WDR26: variants seen among roughly 807,000 people sequenced by gnomAD.
The protein encoded by WDR26 is WD repeat-containing protein 26.
Under a neutral mutation model 84.1 loss-of-function variants are expected in WDR26, and 5 were observed. The observed-to-expected ratio is 0.06, with a 90% CI of 0.03 to 0.13. The LOEUF (loss-of-function observed/expected upper bound fraction) is 0.13. Ranked by LOEUF, WDR26 falls within the 10% of genes least tolerant of loss-of-function variation. The pLI is 1.00. For synonymous variants in WDR26, 415 were observed against 389.6 expected (o/e 1.07, Z -0.77); for missense variants, 642 against 974.9 (o/e 0.66, Z 4.55).
At position 224,389,649 on chromosome 1, in the gene WDR26, C is replaced by A. The variant is rs577019785; in HGVS notation, c.*186G>T. On this transcript the variant is annotated 3_prime_UTR_variant, in exon 14 of 14. Transcript: ENST00000414423. ...CCAACAACGTTCTAACGACGTGCTT[C>A]ATCTCAACTGGTTACTATGAAGCAA... is the stretch of plus-strand genomic sequence containing the variant. 2 of 646,988 alleles carry A rather than the reference C, an allele frequency of 3.1e-6. No individual in the cohort carries two copies. Among genetic ancestry groups the A allele is most frequent in the Admixed American group, 6.0e-5 (2 of 33,184 alleles). 40.1% of individuals were successfully genotyped at this position (646,988 alleles called of 1,614,324 possible). A position where few individuals can be genotyped will look rare whatever the true frequency, so the allele number is the denominator to read the frequency against.
rs1039858236 is a variant in WDR26, at chr1:224,411,281, T to C, written c.1458+146A>G. 5 of 810,676 alleles carry C rather than the reference T, an allele frequency of 6.2e-6. No individual in the cohort carries two copies. In the Admixed American group the frequency reaches 1.8e-4, roughly 29 times the overall value. The allele number at this position is 810,676 out of a possible 1,614,324, so 50.2% of individuals were successfully genotyped here. A position where few individuals can be genotyped will look rare whatever the true frequency, so the allele number is the denominator to read the frequency against. ...AATATTAACTTACATATATTATCTA[T>C]ACAACACATGAAGATGTAAAAATGA... On this transcript the variant is annotated intron_variant, in intron 7 of 13. Coordinates refer to ENST00000414423, the MANE Select transcript of WDR26 (RefSeq NM_001379403.1).
rs1295436811 is a variant in WDR26, at chr1:224,434,070, A to C, written c.336T>G (p.Gly112=). Reference sequence around the variant, plus strand: ...CTCCTCCTCCACCGCCGCCGCCGCCACCTCCTCCTCCTCCTCCTGCCCCAT... The same window carrying C: ...CTCCTCCTCCACCGCCGCCGCCGCCCCCTCCTCCTCCTCCTCCTGCCCCAT... The change falls in exon 1 of 14, where the codon GGT becomes GGG. Residue 112 remains glycine (G), a synonymous_variant. Coordinates refer to ENST00000414423, the MANE Select transcript of WDR26 (RefSeq NM_001379403.1). The C allele has an allele frequency of 4.9e-6, 7 of 1,440,116 alleles. No individual in the cohort carries two copies. The highest frequency in any genetic ancestry group is 2.7e-5 in the Admixed American group (1 of 36,666). 89.2% of individuals were successfully genotyped at this position (1,440,116 alleles called of 1,614,324 possible).
intron 6 of WDR26, among the ~76,000 whole-genome samples, chr1:224,416,066 G>T (rs567758961): frequency 6.6e-6 from 1 of 152,290 alleles, no homozygotes; most frequent in Non-Finnish European, 1.5e-5. Flanking sequence ...ATGATTTCAA[G>T]AAGTCAGCTC....
chr1:224,424,829 G>A (rs1415535930), intron 3 of WDR26, 175 bp from the exon 4 acceptor site: 3 of 715,556 alleles, frequency 4.2e-6, no homozygotes, highest in Non-Finnish European at 6.9e-6. Flanking sequence ...TAGATTAAAT[G>A]TGACTTTGCT....
chr1:224,420,062 C>T (rs549815410), intron 4 of WDR26, among the ~76,000 whole-genome samples: 1 of 152,276 alleles, frequency 6.6e-6, no homozygotes, highest in East Asian at 1.9e-4. Flanking sequence ...TTGCTCTTAA[C>T]CACTAGGCTA....
intron 3 of WDR26, among the ~76,000 whole-genome samples, chr1:224,425,246 T>C (rs534028817): frequency 5.2e-5 from 7 of 134,000 alleles, no homozygotes; most frequent in Non-Finnish European, 1.1e-4. Flanking sequence ...GTGCAAAGTA[T>C]TGAATTTCCT....
chr1:224,409,007 TAAC>T (rs1205675855), intron 7 of WDR26, among the ~76,000 whole-genome samples: 1 of 152,094 alleles, frequency 6.6e-6, no homozygotes, highest in Non-Finnish European at 1.5e-5. Flanking sequence ...TGCAGGCAAT[TAAC>T]AAGGTAGTAT....
chr1:224,427,745 C>A (rs565132588), intron 3 of WDR26, among the ~76,000 whole-genome samples: 1 of 152,014 alleles, frequency 6.6e-6, no homozygotes, highest in African/African-American at 2.4e-5. Flanking sequence ...TTGACACATA[C>A]GATAAGGGTG....
Position 224,389,755 on chromosome 1 carries a change from G to T in WDR26, c.*80C>A. The T allele has an allele frequency of 7.3e-7, 1 of 1,376,218 alleles. No homozygotes were observed. 85.3% of individuals were successfully genotyped at this position (1,376,218 alleles called of 1,614,324 possible). Reference sequence around the variant, plus strand: ...GCATGTCTGTCCAGCTATCAATCATGTTTGTTTGCACCAAATCCCAAGCCA... The same window carrying T: ...GCATGTCTGTCCAGCTATCAATCATTTTTGTTTGCACCAAATCCCAAGCCA... On this transcript the variant is annotated 3_prime_UTR_variant, in exon 14 of 14. Transcript: ENST00000414423.
At chr1:224,391,814 G>T (rs568849292) in intron 13 of WDR26, among the ~76,000 whole-genome samples, 9 of 152,300 alleles carry the variant, frequency 5.9e-5, no homozygotes, top group African/African-American at 2.2e-4. Flanking sequence ...GAATACTCCA[G>T]AAAATAACTT....
At position 224,422,251 on chromosome 1, in the gene WDR26, CTAGAG is replaced by C. The variant is rs1483194186; in HGVS notation, c.1064+2262_1064+2266del. Among the ~76,000 whole-genome samples, 3 of 152,028 alleles carry C rather than the reference CTAGAG, an allele frequency of 2.0e-5. No individual in the cohort carries two copies. In the East Asian group the frequency reaches 5.8e-4, roughly 29 times the overall value. ...AGGAACAGAAAGAGCATGAGTGTCA[CTAGAG>C]TAATGAATAAAGAAAAAGATGGCAG... On this transcript the variant is annotated intron_variant, in intron 4 of 13. Coordinates refer to ENST00000414423, the MANE Select transcript of WDR26 (RefSeq NM_001379403.1).
At position 224,389,426 on chromosome 1, in the gene WDR26, T is replaced by G. The variant is rs1395982719; in HGVS notation, c.*409A>C. 2.5e-5 allele frequency: 11 copies of G among 435,808 alleles called. No individual in the cohort carries two copies. The highest frequency in any genetic ancestry group is 4.2e-5 in the Admixed American group (1 of 23,812). The allele number at this position is 435,808 out of a possible 1,614,324, so 27.0% of individuals were successfully genotyped here. A position where few individuals can be genotyped will look rare whatever the true frequency, so the allele number is the denominator to read the frequency against. ...GTATACTCTTCAGACTAATGCACTC[T>G]TTCTATCAAGCCTTCTAAACTGTTA... On this transcript the variant is annotated 3_prime_UTR_variant, in exon 14 of 14. Transcript: ENST00000414423.
rs768544588 is a variant in WDR26, at chr1:224,434,070, A to ACCT, written c.333_335dup (p.Gly125dup). On this transcript the variant is annotated inframe_insertion, in exon 1 of 14. Transcript: ENST00000414423. The stretch of plus-strand genomic sequence containing the variant: ...CTCCTCCTCCACCGCCGCCGCCGCC[A>ACCT]CCTCCTCCTCCTCCTCCTGCCCCAT... The ACCT allele has an allele frequency of 6.5e-5, 93 of 1,440,114 alleles. No individual in the cohort carries two copies. Among genetic ancestry groups the ACCT allele is most frequent in the Admixed American group, 2.2e-4 (8 of 36,666 alleles). The allele number at this position is 1,440,114 out of a possible 1,614,324, so 89.2% of individuals were successfully genotyped here. A position where few individuals can be genotyped will look rare whatever the true frequency, so the allele number is the denominator to read the frequency against.
chr1:224,389,600 TG>T lies in WDR26; in HGVS notation c.*234del. ...ATGTAGCACAGTTCTTCACAACCGA[TG>T]GGGGAATAATTCAACATGGTGTCCA... On this transcript the variant is annotated 3_prime_UTR_variant, in exon 14 of 14. Transcript: ENST00000414423. The T allele has an allele frequency of 1.7e-6, 1 of 590,108 alleles. No homozygotes were observed. The highest frequency in any genetic ancestry group is 3.0e-6 in the Non-Finnish European group (1 of 338,816). 36.6% of individuals were successfully genotyped at this position (590,108 alleles called of 1,614,324 possible).
At chr1:224,404,591 T>C in intron 7 of WDR26, 21 bp from the exon 8 acceptor site, 2 of 1,604,940 alleles carry the variant, frequency 1.2e-6, no homozygotes, top group Non-Finnish European at 1.7e-6. Context: ...AAATAAACAA[T>C]TCAGTTAACC....
intron 6 of WDR26, among the ~76,000 whole-genome samples, chr1:224,415,108 T>C (rs1423731580): frequency 6.6e-6 from 1 of 152,242 alleles, no homozygotes; most frequent in African/African-American, 2.4e-5. Context: ...ACTGTGTATA[T>C]AACGTAATGT....
chr1:224,391,971 G>A (rs1359248263), intron 13 of WDR26, among the ~76,000 whole-genome samples: 1 of 152,244 alleles, frequency 6.6e-6, no homozygotes, highest in East Asian at 1.9e-4. Flanking sequence ...CTACAAATTA[G>A]CCAAAATTTG....
chr1:224,398,399 CAA>C, intron 11 of WDR26, 114 bp downstream of exon 11: 1 of 1,210,326 alleles, frequency 8.3e-7, no homozygotes, highest in South Asian at 1.6e-5. Context: ...CAATCACATG[CAA>C]TCAAATTTAA....
chr1:224,399,133 G>T, intron 9 of WDR26, 99 bp from the exon 10 acceptor site: 1 of 1,195,012 alleles, frequency 8.4e-7, no homozygotes, highest in Non-Finnish European at 1.1e-6. Context: ...TTTAGTAACA[G>T]GTTTTTTTTT....
Sources: gnomAD v4.1 joint callset for allele counts (sites outside exome capture counted in the v4.1 genomes callset) on GRCh38, gnomAD v4.1.1 for gene constraint, MANE v1.5 for transcripts, NCBI Gene and HGNC (gene_info 2026-07-23, HGNC 2026-07-21) for gene names.